The following ANK3 variants were observed in gnomAD, a reference collection of about 807,000 sequenced individuals.
ANK3 encodes the protein ankyrin-3.
In ANK3, 57 loss-of-function variants were observed where a neutral mutation model predicts 370.9. That is an observed-to-expected ratio of 0.15 (90% CI 0.12 to 0.19). ANK3 has a LOEUF of 0.19. Among genes scored for constraint, ANK3 ranks in the 10% least tolerant of loss-of-function variants. The pLI, the probability that ANK3 is intolerant of heterozygous loss-of-function variation, is 1.00. For missense variants in ANK3, 4,439 were observed against 5,302.1 expected (o/e 0.84, Z 5.06); for synonymous variants, 1,929 against 1,946.3 (o/e 0.99, Z 0.23).
At chr10:60,513,550 T>C (rs1271600648) in intron 2 of ANK3, among the ~76,000 whole-genome samples, 1 of 151,956 alleles carries the variant, frequency 6.6e-6, no homozygotes, top group Non-Finnish European at 1.5e-5. Context: ...GAATAGGTGG[T>C]TAGTGTGAGT....
chr10:60,074,364 T>C lies in ANK3; in HGVS notation c.6517A>G (p.Ile2173Val). 6.2e-7 allele frequency: 1 copy of C among 1,614,106 alleles called. No homozygotes were observed. The highest frequency in any genetic ancestry group is 8.5e-7 in the Non-Finnish European group (1 of 1,179,994). Residue 2173 changes from isoleucine to valine, a missense_variant, in exon 37 of 44, where the codon ATC becomes GTC. Ile to Val is a conservative substitution (Grantham distance 29, BLOSUM62 3). Around this residue, in one of 13 missense-constraint regions of ANK3, gnomAD observed 1,601 missense variants for 1,731.7 expected, o/e 0.92. Transcript: ENST00000280772. Reference protein sequence around the residue: ...TETRTEVVHVIRSYDPSAGDV... With the variant: ...TETRTEVVHVVRSYDPSAGDV... The stretch of plus-strand genomic sequence containing the variant: ...CCAGCTGAGGGATCATAGCTCCTGA[T>C]AACATGAACCACTTCAGTTCTTGTT...
At chr10:60,042,277 A>C (rs1268300767) in intron 43 of ANK3, among the ~76,000 whole-genome samples, 1 of 152,244 alleles carries the variant, frequency 6.6e-6, no homozygotes, top group Non-Finnish European at 1.5e-5. Flanking sequence ...CGTTCTGCTA[A>C]AATGGTGAAA....
chr10:60,590,168 T>C (rs893017866), intron 2 of ANK3, among the ~76,000 whole-genome samples: 31 of 152,222 alleles, frequency 2.0e-4, no homozygotes, highest in African/African-American at 5.5e-4. Flanking sequence ...TAACATAATT[T>C]AGCCCTGCCC....
rs538702196 is a variant in ANK3, at chr10:60,293,828, A to G, written c.115-14189T>C. On this transcript the variant is annotated intron_variant, in intron 1 of 43. Coordinates refer to ENST00000280772, the MANE Select transcript of ANK3 (RefSeq NM_020987.5). ...ACACAAACTGCTGAGTCCCTTAGAG[A>G]GGTACCTCATAATACTGAGATATTG... Among the ~76,000 whole-genome samples, 13 of 152,342 alleles carry G rather than the reference A, an allele frequency of 8.5e-5. No homozygotes were observed. The South Asian group carries it at 2.7e-3, about 32-fold the overall frequency.
At position 60,074,441 on chromosome 10, in the gene ANK3, G is replaced by A. The variant is rs757315937; in HGVS notation, c.6440C>T (p.Thr2147Ile). 12 of 1,614,122 alleles carry A rather than the reference G, an allele frequency of 7.4e-6. No homozygotes were observed. The South Asian group carries it at 1.1e-4, about 15-fold the overall frequency. ...TPSAPQSAES[T>I]GPKPLFHEVP... ...TTCATGAAAAAGTGGTTTAGGACCAGTGCTTTCAGCGCTTTGTGGGGCTGA... is the reference window on the plus strand; with the variant it reads ...TTCATGAAAAAGTGGTTTAGGACCAATGCTTTCAGCGCTTTGTGGGGCTGA... Residue 2147 changes from threonine to isoleucine, a missense_variant, in exon 37 of 44, where the codon ACT becomes ATT. Physicochemically the swap from Thr to Ile is moderately conservative, Grantham distance 89. Transcript: ENST00000280772.
At chr10:60,526,975 A>G (rs1184052057) in intron 2 of ANK3, among the ~76,000 whole-genome samples, 2 of 152,154 alleles carry the variant, frequency 1.3e-5, no homozygotes, top group African/African-American at 2.4e-5. Flanking sequence ...TGTTATACAC[A>G]CACACATACA....
chr10:60,215,827 T>TG (rs1453739761), intron 8 of ANK3, among the ~76,000 whole-genome samples: 2 of 152,292 alleles, frequency 1.3e-5, no homozygotes, highest in East Asian at 3.9e-4. Flanking sequence ...CTTGGCTATA[T>TG]GGGGTCTTCT....
intron 2 of ANK3, among the ~76,000 whole-genome samples, chr10:60,501,390 AAGTAATGAAC>A (rs1437825134): frequency 6.6e-6 from 1 of 152,212 alleles, no homozygotes; most frequent in African/African-American, 2.4e-5. Flanking sequence ...GTATTTCTTC[AAGTAATGAAC>A]AGCACCTAGA....
At chr10:60,658,576 T>G (rs907255281) in intron 1 of ANK3, among the ~76,000 whole-genome samples, 2 of 152,142 alleles carry the variant, frequency 1.3e-5, no homozygotes, top group African/African-American at 4.8e-5. Context: ...TTTTAAGCGA[T>G]TATAGCTTTC....
chr10:60,138,869 C>T (rs1006357604), intron 24 of ANK3, 95 bp downstream of exon 24: 3 of 1,506,948 alleles, frequency 2.0e-6, no homozygotes, highest in Non-Finnish European at 2.7e-6. Flanking sequence ...CCAAAGAACA[C>T]ATTTTGGGAT....
intron 8 of ANK3, among the ~76,000 whole-genome samples, chr10:60,230,055 T>G (rs1359631982): frequency 6.6e-6 from 1 of 152,202 alleles, no homozygotes; most frequent in Non-Finnish European, 1.5e-5. Flanking sequence ...GCATCTTCTC[T>G]GAAGCACTAA....
chr10:60,596,868 G>T (rs1473145816), intron 2 of ANK3, among the ~76,000 whole-genome samples: 1 of 152,044 alleles, frequency 6.6e-6, no homozygotes, highest in Admixed American at 6.6e-5. Flanking sequence ...GAAATCACCT[G>T]TTCCCTTACA....
intron 1 of ANK3, among the ~76,000 whole-genome samples, chr10:60,284,974 T>C (rs184216320): frequency 3.3e-5 from 5 of 152,108 alleles, no homozygotes; most frequent in East Asian, 1.9e-4. Context: ...CCTACCAACA[T>C]AGAAAACAAA....
chr10:60,228,545 A>AAT lies in ANK3; in HGVS notation c.897+6142_897+6143insAT, dbSNP rs551910245. ...AGACTGTGTCTCCAAAAAAAAAAAA[A>AAT]AAAAAGATTTCAAACATACAAAGGT... On this transcript the variant is annotated intron_variant, in intron 8 of 43. Transcript: ENST00000280772. 3.4e-3 allele frequency among the ~76,000 whole-genome samples: 510 copies of AAT among 152,028 alleles called. 4 individuals are homozygous for AAT. Among genetic ancestry groups the AAT allele is most frequent in the Admixed American group, 6.4e-3 (98 of 15,246 alleles).
chr10:60,289,666 T>C (rs1396188415), intron 1 of ANK3, among the ~76,000 whole-genome samples: 1 of 152,096 alleles, frequency 6.6e-6, no homozygotes, highest in Admixed American at 6.6e-5. Flanking sequence ...CCCAAAGTGC[T>C]GATGTAAGCC....
At chr10:60,086,469 AGACCAGGATCTT>A in intron 30 of ANK3, 196 bp downstream of exon 30, 4 of 458,520 alleles carry the variant, frequency 8.7e-6, no homozygotes, top group Non-Finnish European at 1.5e-5. Flanking sequence ...ATGAGTCATG[AGACCAGGATCTT>A]GACCAGGATC....
intron 1 of ANK3, among the ~76,000 whole-genome samples, chr10:60,648,490 G>T (rs1349359972): frequency 3.4e-5 from 5 of 146,852 alleles, no homozygotes; most frequent in Admixed American, 2.0e-4. Flanking sequence ...TGTTGGGAGG[G>T]CTGGGCATAG....
chr10:60,461,376 A>C (rs2064879601), intron 2 of ANK3, among the ~76,000 whole-genome samples: 1 of 152,240 alleles, frequency 6.6e-6, no homozygotes, highest in East Asian at 1.9e-4. Context: ...ACAGTTATTA[A>C]AATAGTCACC....
intron 2 of ANK3, among the ~76,000 whole-genome samples, chr10:60,493,246 T>C (rs2133126066): frequency 6.6e-6 from 1 of 152,248 alleles, no homozygotes; most frequent in Non-Finnish European, 1.5e-5. Context: ...TTGCTGACAG[T>C]AAGCAGGAAG....
Sources: allele counts gnomAD v4.1 joint callset (sites outside exome capture counted in the v4.1 genomes callset), GRCh38; gene constraint gnomAD v4.1.1; regional missense constraint gnomAD v4.1.1; transcripts MANE v1.5; gene names NCBI Gene and HGNC (gene_info 2026-07-23, HGNC 2026-07-21).